Variants in RIMS2 observed in about 807,000 individuals in gnomAD.
RIMS2 encodes the protein regulating synaptic membrane exocytosis 2.
RIMS2 carries 59 observed loss-of-function variants against 174.4 expected under a neutral mutation model. The observed-to-expected ratio is 0.34, with a 90% CI of 0.27 to 0.42. RIMS2 has a LOEUF of 0.42. RIMS2 is among the 10% of genes least tolerant of loss of function. The pLI, the probability that RIMS2 is intolerant of heterozygous loss-of-function variation, is 1.00. For missense variants in RIMS2, 1,620 were observed against 1,666.3 expected, an observed-to-expected ratio of 0.97 and a Z score of 0.48; for synonymous variants, 606 against 572.5, an observed-to-expected ratio of 1.06 and a Z score of -0.84.
chr8:103,763,981 A>G (rs2098139684), intron 2 of RIMS2, among the ~76,000 whole-genome samples: 1 of 152,156 alleles, frequency 6.6e-6, no homozygotes, highest in African/African-American at 2.4e-5. Context: ...AAACATCAGA[A>G]TTACCTGGAG....
At chr8:103,827,966 C>G (rs11779039) in intron 3 of RIMS2, among the ~76,000 whole-genome samples, 19,924 of 150,484 alleles carry the variant, frequency 0.13, 1,768 homozygotes, top group Non-Finnish European at 0.2. Flanking sequence ...TTTTGTAATT[C>G]TTATTCCTGA....
chr8:103,961,915 AT>A (rs1483544974), intron 15 of RIMS2, among the ~76,000 whole-genome samples: 2 of 152,036 alleles, frequency 1.3e-5, no homozygotes, highest in Non-Finnish European at 2.9e-5. Flanking sequence ...CTCAATGATT[AT>A]TTTTTCCCTT....
intron 9 of RIMS2, chr8:103,920,931 G>A (rs538784512): frequency 2.3e-5 from 7 of 308,444 alleles, no homozygotes; most frequent in South Asian, 7.6e-5. Context: ...CCCGGGAGGC[G>A]GAGCTTGCAG....
At chr8:103,700,680 G>T (rs1345898245) in intron 2 of RIMS2, among the ~76,000 whole-genome samples, 2 of 151,600 alleles carry the variant, frequency 1.3e-5, no homozygotes, top group Non-Finnish European at 3.0e-5. Context: ...TTTTGATTTT[G>T]TCTTATGTCA....
chr8:103,697,429 C>T, intron 2 of RIMS2, 133 bp downstream of exon 4: 2 of 762,100 alleles, frequency 2.6e-6, no homozygotes, highest in East Asian at 2.7e-5. Flanking sequence ...ATGCTTGTGG[C>T]CAGACACGAT....
At chr8:103,652,589 G>T in intron 1 of RIMS2, 35 bp from the exon 3 acceptor site, 2 of 1,107,930 alleles carry the variant, frequency 1.8e-6, no homozygotes, top group African/African-American at 1.6e-5. Context: ...TTATTCATTT[G>T]GTTATTCAGT....
At chr8:103,649,683 C>G (rs571960517) in intron 1 of RIMS2, among the ~76,000 whole-genome samples, 1 of 146,002 alleles carries the variant, frequency 6.8e-6, no homozygotes, top group African/African-American at 2.6e-5. Context: ...GTATGCCTGT[C>G]TTACGTCAGA....
At chr8:103,663,470 C>G (rs537531626) in intron 1 of RIMS2, among the ~76,000 whole-genome samples, 2 of 152,240 alleles carry the variant, frequency 1.3e-5, no homozygotes, top group South Asian at 2.1e-4. Flanking sequence ...GCAAAAATCA[C>G]AAGCATTCCT....
intron 15 of RIMS2, among the ~76,000 whole-genome samples, chr8:103,974,447 TCTTTCCATTATCAAC>T (rs902391636): frequency 6.6e-6 from 1 of 152,188 alleles, no homozygotes; most frequent in Non-Finnish European, 1.5e-5. Context: ...ATTTTCAGGC[TCTTTCCATTATCAAC>T]CTTATGATGT....
intron 19 of RIMS2, among the ~76,000 whole-genome samples, chr8:104,209,884 A>T (rs2099097782): frequency 6.6e-6 from 1 of 152,344 alleles, no homozygotes; most frequent in African/African-American, 2.4e-5. Context: ...ATCCTGACAT[A>T]TATAATAAAA....
At chr8:103,871,557 T>A (rs1458382866) in intron 3 of RIMS2, among the ~76,000 whole-genome samples, 1 of 152,074 alleles carries the variant, frequency 6.6e-6, no homozygotes, top group African/African-American at 2.4e-5. Context: ...CCACTTTAAA[T>A]GAAGTCTGAC....
chr8:104,130,145 C>G (rs1196175710), intron 19 of RIMS2, among the ~76,000 whole-genome samples: 1 of 151,996 alleles, frequency 6.6e-6, no homozygotes, highest in Non-Finnish European at 1.5e-5. Flanking sequence ...GTAACATAGA[C>G]AAAATATCCA....
intron 2 of RIMS2, among the ~76,000 whole-genome samples, chr8:103,740,770 A>T (rs768472126): frequency 6.6e-6 from 1 of 152,180 alleles, no homozygotes; most frequent in Non-Finnish European, 1.5e-5. Flanking sequence ...TTAAAAATGT[A>T]TCCAGTGGAA....
intron 19 of RIMS2, among the ~76,000 whole-genome samples, chr8:104,183,416 T>C (rs1450682777): frequency 6.6e-6 from 1 of 151,644 alleles, no homozygotes; most frequent in Non-Finnish European, 1.5e-5. Flanking sequence ...CCATACATTT[T>C]GTAAAACCGG....
At chr8:103,768,426 TG>T in intron 3 of RIMS2, 1 of 758,796 alleles carries the variant, frequency 1.3e-6, no homozygotes, top group South Asian at 1.4e-5. Flanking sequence ...AAGGGTTATG[TG>T]GTCCTAATCA....
intron 19 of RIMS2, among the ~76,000 whole-genome samples, chr8:104,186,121 GA>G (rs2098966711): frequency 6.6e-6 from 1 of 151,644 alleles, no homozygotes; most frequent in Admixed American, 6.6e-5. Context: ...TATCTTAAGT[GA>G]AAAAAGTCAG....
At chr8:103,703,311 C>T (rs1361587406) in intron 2 of RIMS2, among the ~76,000 whole-genome samples, 1 of 152,144 alleles carries the variant, frequency 6.6e-6, no homozygotes, top group Non-Finnish European at 1.5e-5. Flanking sequence ...AATCGTGGCT[C>T]ACTGCAGCCT....
intron 19 of RIMS2, among the ~76,000 whole-genome samples, chr8:104,053,103 A>C (rs1029133697): frequency 2.6e-5 from 4 of 152,168 alleles, no homozygotes; most frequent in African/African-American, 9.7e-5. Flanking sequence ...AACCTTTGAG[A>C]GATATGTTTT....
intron 1 of RIMS2, among the ~76,000 whole-genome samples, chr8:103,649,258 A>C (rs1426392438): frequency 6.6e-6 from 1 of 152,122 alleles, no homozygotes; most frequent in African/African-American, 2.4e-5. Context: ...AGAACATTGA[A>C]TATTGGCCCC....
Sources: allele counts gnomAD v4.1 joint callset (sites outside exome capture counted in the v4.1 genomes callset), GRCh38; gene constraint gnomAD v4.1.1; transcripts MANE v1.5; gene names NCBI Gene and HGNC (gene_info 2026-07-23, HGNC 2026-07-21).